The following CNOT10 variants were observed in gnomAD, a reference collection of about 807,000 sequenced individuals.
CNOT10 encodes the protein CCR4-NOT transcription complex subunit 10.
CNOT10 carries 30 observed loss-of-function variants against 94.6 expected under a neutral mutation model. The ratio of observed to expected loss-of-function variants is 0.32; its 90% CI spans 0.24 to 0.43. The LOEUF is 0.43. CNOT10 is among the 20% of genes least tolerant of loss of function. The probability of loss-of-function intolerance (pLI) is 1.00; values close to 1 mark genes in which losing one functional copy is unlikely to be tolerated. For missense variants in CNOT10, 759 were observed against 877.2 expected, an observed-to-expected ratio of 0.87 and a Z score of 1.70; for synonymous variants, 289 against 301.6, an observed-to-expected ratio of 0.96 and a Z score of 0.43.
intron 1 of CNOT10, among the ~76,000 whole-genome samples, chr3:32,693,851 G>T (rs1381410178): frequency 1.3e-5 from 2 of 151,988 alleles, no homozygotes; most frequent in East Asian, 3.9e-4. Flanking sequence ...ACTTATATTA[G>T]TCTTATGATT....
chr3:32,735,075 A>G lies in CNOT10; in HGVS notation c.1514+99A>G, dbSNP rs367848621. ...TAAATTCCTAAAATCTTCAACCTGAATTTCTGAAATTCTGTTTTGCGTAAC... is the reference window on the plus strand; with the variant it reads ...TAAATTCCTAAAATCTTCAACCTGAGTTTCTGAAATTCTGTTTTGCGTAAC... On this transcript the variant is annotated intron_variant, in intron 12 of 18. Coordinates refer to ENST00000328834, the MANE Select transcript of CNOT10 (RefSeq NM_015442.3). The G allele has an allele frequency of 6.2e-5, 62 of 1,008,026 alleles. No homozygotes were observed. In the South Asian group the frequency reaches 1.0e-3, roughly 16 times the overall value. 62.4% of individuals were successfully genotyped at this position (1,008,026 alleles called of 1,614,324 possible).
chr3:32,736,247 C>T (rs904626608), intron 12 of CNOT10, among the ~76,000 whole-genome samples: 10 of 151,908 alleles, frequency 6.6e-5, no homozygotes, highest in African/African-American at 1.7e-4. Context: ...CCACTATGCC[C>T]GGCTAATTTT....
intron 8 of CNOT10, among the ~76,000 whole-genome samples, chr3:32,721,970 C>A (rs1698438616): frequency 6.6e-6 from 1 of 151,970 alleles, no homozygotes. Flanking sequence ...ATTCTTGCCT[C>A]TATTTAGACT....
chr3:32,718,258 CTTTTTTTTT>C (rs376879885), intron 7 of CNOT10, among the ~76,000 whole-genome samples: 1 of 117,042 alleles, frequency 8.5e-6, no homozygotes, highest in Non-Finnish European at 1.8e-5. Context: ...CATTATCAAA[CTTTTTTTTT>C]TTTTTTTTTT....
At chr3:32,707,544 C>T (rs1326785472) in intron 3 of CNOT10, among the ~76,000 whole-genome samples, 1 of 152,140 alleles carries the variant, frequency 6.6e-6, no homozygotes, top group Non-Finnish European at 1.5e-5. Flanking sequence ...TGGCTCATGC[C>T]TGTAATCCAA....
At chr3:32,705,128 G>A (rs1019069299) in intron 3 of CNOT10, among the ~76,000 whole-genome samples, 156 bp downstream of exon 3, 1 of 152,036 alleles carries the variant, frequency 6.6e-6, no homozygotes, top group African/African-American at 2.4e-5. Flanking sequence ...ATTATTCCAG[G>A]AGATAAAAGG....
In CNOT10 at chr3:32,685,223, T is replaced by G. The variant is rs1305764763; in HGVS notation, c.-238T>G. The stretch of plus-strand genomic sequence containing the variant: ...GGGACGCCGTGAGGCGGAAGCTGTG[T>G]ATGGCGGGAGGCTGTGGCGGTCCCT... On this transcript the variant is annotated 5_prime_UTR_variant, in exon 1 of 19. Coordinates refer to ENST00000328834, the MANE Select transcript of CNOT10 (RefSeq NM_015442.3). 7.8e-5 allele frequency: 38 copies of G among 484,294 alleles called. No individual in the cohort carries two copies. The East Asian group carries it at 1.1e-3, about 14-fold the overall frequency. The allele number at this position is 484,294 out of a possible 1,614,324, so 30.0% of individuals were successfully genotyped here.
At chr3:32,756,847 G>A (rs1204047512) in intron 13 of CNOT10, among the ~76,000 whole-genome samples, 1 of 152,020 alleles carries the variant, frequency 6.6e-6, no homozygotes, top group Non-Finnish European at 1.5e-5. Flanking sequence ...AGTGGCTCAC[G>A]CCTATAATCC....
At chr3:32,690,993 A>G (rs1306033808) in intron 1 of CNOT10, among the ~76,000 whole-genome samples, 4 of 116,808 alleles carry the variant, frequency 3.4e-5, no homozygotes, top group Non-Finnish European at 6.7e-5. Flanking sequence ...ATCACTAGCT[A>G]TGACTTTTTT....
At chr3:32,703,381 T>C (rs931647172) in intron 1 of CNOT10, among the ~76,000 whole-genome samples, 2 of 152,186 alleles carry the variant, frequency 1.3e-5, no homozygotes, top group African/African-American at 4.8e-5. Flanking sequence ...AAACCACAGA[T>C]AGTACTGAAC....
chr3:32,727,948 A>C (rs1698756336), intron 10 of CNOT10, 78 bp downstream of exon 10: 2 of 990,708 alleles, frequency 2.0e-6, no homozygotes, highest in Non-Finnish European at 3.0e-6. Flanking sequence ...AAAAAAAAAA[A>C]ACCTTGGAAA....
chr3:32,694,077 C>A (rs1361016995), intron 1 of CNOT10, among the ~76,000 whole-genome samples: 1 of 150,792 alleles, frequency 6.6e-6, no homozygotes. Context: ...AGCAATTATA[C>A]TTAAAATTGA....
intron 8 of CNOT10, among the ~76,000 whole-genome samples, chr3:32,720,440 T>C (rs561467641): frequency 3.9e-4 from 59 of 152,236 alleles, no homozygotes; most frequent in South Asian, 1.9e-3. Context: ...TTTGCTTTCT[T>C]TCTTTTTTTT....
chr3:32,744,146 G>A (rs1205874725), intron 13 of CNOT10, among the ~76,000 whole-genome samples: 1 of 152,194 alleles, frequency 6.6e-6, no homozygotes, highest in African/African-American at 2.4e-5. Flanking sequence ...AGTTGGGTGT[G>A]TTAAAGGGCA....
At chr3:32,755,767 T>C (rs967110822) in intron 13 of CNOT10, among the ~76,000 whole-genome samples, 1 of 151,942 alleles carries the variant, frequency 6.6e-6, no homozygotes, top group African/African-American at 2.4e-5. Flanking sequence ...CTTTTTTTTT[T>C]TTTTCTTCTT....
chr3:32,772,607 G>T (rs1399195522), intron 18 of CNOT10, among the ~76,000 whole-genome samples: 2 of 152,138 alleles, frequency 1.3e-5, no homozygotes, highest in Non-Finnish European at 2.9e-5. Context: ...TGAGGCAGGA[G>T]AATTGCTTGA....
Position 32,773,820 on chromosome 3 carries a change from T to A in CNOT10, c.*209T>A, listed in dbSNP as rs1701010519. The A allele has an allele frequency of 4.0e-6, 2 of 503,758 alleles. No homozygotes were observed. The highest frequency in any genetic ancestry group is 3.8e-5 in the Admixed American group (1 of 26,392). The allele number at this position is 503,758 out of a possible 1,614,324, so 31.2% of individuals were successfully genotyped here. A position where few individuals can be genotyped will look rare whatever the true frequency, so the allele number is the denominator to read the frequency against. ...TTCTTAATTTCAGCCAGACTATTAA[T>A]TTTGAGCCATTATGTAATATATGCC... is the stretch of plus-strand genomic sequence containing the variant. On this transcript the variant is annotated 3_prime_UTR_variant, in exon 19 of 19. Coordinates refer to ENST00000328834, the MANE Select transcript of CNOT10 (RefSeq NM_015442.3).
chr3:32,753,814 T>C (rs1700072033), intron 13 of CNOT10: 1 of 1,585,842 alleles, frequency 6.3e-7, no homozygotes, highest in South Asian at 1.1e-5. Flanking sequence ...GGGAGTCTGA[T>C]GGTACAGTTT....
chr3:32,720,516 TA>T (rs1162633459), intron 8 of CNOT10, among the ~76,000 whole-genome samples: 123 of 151,998 alleles, frequency 8.1e-4, no homozygotes, highest in African/African-American at 2.8e-3. Flanking sequence ...TATTTTATTT[TA>T]TTTTTTTGGA....
Sources: allele counts gnomAD v4.1 joint callset (sites outside exome capture counted in the v4.1 genomes callset), GRCh38; gene constraint gnomAD v4.1.1; transcripts MANE v1.5; gene names NCBI Gene and HGNC (gene_info 2026-07-23, HGNC 2026-07-21).